GPAT4: variants seen among roughly 807,000 people sequenced by gnomAD.
GPAT4 encodes glycerol-3-phosphate acyltransferase 4, also known as 1-AGP acyltransferase 6.
In GPAT4, 17 loss-of-function variants were observed where a neutral mutation model predicts 58.0. That is an observed-to-expected ratio of 0.29 (90% CI 0.20 to 0.44). GPAT4 has a LOEUF of 0.44. Ranked by LOEUF, GPAT4 falls within the 20% of genes least tolerant of loss-of-function variation. The pLI is 1.00. For missense variants in GPAT4, 377 were observed against 574.5 expected (o/e 0.66, Z 3.51); for synonymous variants, 204 against 210.1 (o/e 0.97, Z 0.25).
intron 1 of GPAT4, among the ~76,000 whole-genome samples, chr8:41,591,683 G>A (rs1284152727): frequency 6.6e-6 from 1 of 152,164 alleles, no homozygotes; most frequent in Non-Finnish European, 1.5e-5. Flanking sequence ...AATCCTCCTA[G>A]CACTGGGAAC....
rs1803804543 is a variant in GPAT4, at chr8:41,623,128, C to A, written c.*2127C>A. 1 of 152,232 alleles carries A rather than the reference C, an allele frequency of 6.6e-6. No homozygotes were observed. The highest frequency in any genetic ancestry group is 2.4e-5 in the African/African-American group (1 of 41,438). The allele number at this position is 152,232 out of a possible 1,614,324, so 9.4% of individuals were successfully genotyped here. A position where few individuals can be genotyped will look rare whatever the true frequency, so the allele number is the denominator to read the frequency against. On this transcript the variant is annotated 3_prime_UTR_variant, in exon 13 of 13. Transcript: ENST00000396987. ...CACCTGGTGTGAAGTCACGTGGAGT[C>A]AGTGCTGTGGAGGGAAGTCCTGTGC...
At chr8:41,617,869 T>C (rs1803639439) in intron 10 of GPAT4, among the ~76,000 whole-genome samples, 1 of 152,202 alleles carries the variant, frequency 6.6e-6, no homozygotes, top group Non-Finnish European at 1.5e-5. Flanking sequence ...AGGCACTTTG[T>C]CCAGGCATTC....
At chr8:41,610,872 A>G in intron 5 of GPAT4, 62 bp downstream of exon 5, 1 of 1,496,626 alleles carries the variant, frequency 6.7e-7, no homozygotes, top group Non-Finnish European at 9.0e-7. Context: ...GTGCTCAGAT[A>G]TCGAAGGCAA....
intron 2 of GPAT4, among the ~76,000 whole-genome samples, chr8:41,603,745 C>T (rs148049844): frequency 4.0e-4 from 61 of 152,130 alleles, no homozygotes; most frequent in African/African-American, 1.3e-3. Flanking sequence ...TCTCTCAGGC[C>T]GCTTGCCCCT....
At chr8:41,586,868 C>A (rs10110966) in intron 1 of GPAT4, among the ~76,000 whole-genome samples, 84,421 of 152,124 alleles carry the variant, frequency 0.55, 24,037 homozygotes, top group Middle Eastern at 0.71. Context: ...TCAACTGGCT[C>A]CACATCAGAA....
In GPAT4 at chr8:41,582,684, T is replaced by TGTGTGTGTGTGTGTG. The variant is rs773260607; in HGVS notation, c.-849+4417_-849+4418insTGTGGTGTGTGTGTG. Among the ~76,000 whole-genome samples, 568 of 148,290 alleles carry TGTGTGTGTGTGTGTG rather than the reference T, an allele frequency of 3.8e-3. 2 individuals carry two copies. Among genetic ancestry groups the TGTGTGTGTGTGTGTG allele is most frequent in the Middle Eastern group, 0.014 (4 of 276 alleles). ...GAGGGAGAGAGAGAGAGTGTGTGTG[T>TGTGTGTGTGTGTGTG]GTGTGTGTGTGGGTGTATCTCAAAA... is the stretch of plus-strand genomic sequence containing the variant. On this transcript the variant is annotated intron_variant, in intron 1 of 12. Coordinates refer to ENST00000396987, the MANE Select transcript of GPAT4 (RefSeq NM_178819.4).
intron 4 of GPAT4, chr8:41,610,181 G>A: frequency 7.2e-7 from 1 of 1,380,302 alleles, no homozygotes; most frequent in Admixed American, 3.3e-5. Context: ...AAGACAGCTT[G>A]CTTCTCTAGA....
intron 1 of GPAT4, among the ~76,000 whole-genome samples, chr8:41,585,363 G>C (rs1802624776): frequency 6.6e-6 from 1 of 151,686 alleles, no homozygotes; most frequent in Non-Finnish European, 1.5e-5. Context: ...TGTTAGTCCT[G>C]CCTCTGTTAC....
At chr8:41,602,930 T>A (rs1348290089) in intron 2 of GPAT4, among the ~76,000 whole-genome samples, 1 of 152,110 alleles carries the variant, frequency 6.6e-6, no homozygotes, top group Non-Finnish European at 1.5e-5. Context: ...AGTCCCTTTT[T>A]TAGGGATATT....
At position 41,623,889 on chromosome 8, in the gene GPAT4, G is replaced by A. The variant is rs1057358061; in HGVS notation, c.*2888G>A. On this transcript the variant is annotated 3_prime_UTR_variant, in exon 13 of 13. Transcript: ENST00000396987. ...TTTCACTCTTGTTGCCCATGCTGGA[G>A]TGCAATGGCACAATCTCAGCTCCAC... 1 of 151,616 alleles carries A rather than the reference G, an allele frequency of 6.6e-6. No individual in the cohort carries two copies. The highest frequency in any genetic ancestry group is 1.5e-5 in the Non-Finnish European group (1 of 67,994). The allele number at this position is 151,616 out of a possible 1,614,324, so 9.4% of individuals were successfully genotyped here. A position where few individuals can be genotyped will look rare whatever the true frequency, so the allele number is the denominator to read the frequency against.
intron 2 of GPAT4, among the ~76,000 whole-genome samples, chr8:41,606,065 C>G (rs953491842): frequency 6.6e-6 from 1 of 152,208 alleles, no homozygotes; most frequent in South Asian, 2.1e-4. Context: ...CTATGCATCT[C>G]TTCCATCTGG....
At position 41,621,574 on chromosome 8, in the gene GPAT4, A is replaced by G. The variant is rs1319300741; in HGVS notation, c.*573A>G. 1 of 153,344 alleles carries G rather than the reference A, an allele frequency of 6.5e-6. No individual in the cohort carries two copies. Among genetic ancestry groups the G allele is most frequent in the Non-Finnish European group, 1.5e-5 (1 of 68,842 alleles). The allele number at this position is 153,344 out of a possible 1,614,324, so 9.5% of individuals were successfully genotyped here. ...TTTTTATGCTGCTGCTGATGGGGTT[A>G]CTAAAGGGAGGGGAAGAGGCCAGGT... On this transcript the variant is annotated 3_prime_UTR_variant, in exon 13 of 13. Coordinates refer to ENST00000396987, the MANE Select transcript of GPAT4 (RefSeq NM_178819.4).
chr8:41,584,837 T>C (rs1802609866), intron 1 of GPAT4: 1 of 152,148 alleles, frequency 6.6e-6, no homozygotes, highest in Non-Finnish European at 1.5e-5. Context: ...CTTATCCAGT[T>C]CTAACTCAAG....
At chr8:41,581,972 TAAATCAAGGGA>T in intron 1 of GPAT4, among the ~76,000 whole-genome samples, 1 of 138,054 alleles carries the variant, frequency 7.2e-6, no homozygotes. Flanking sequence ...TCAGGAAGCT[TAAATCAAGGGA>T]AGTTCAATGA....
intron 1 of GPAT4, among the ~76,000 whole-genome samples, chr8:41,594,218 C>G (rs565609675): frequency 2.4e-4 from 37 of 152,076 alleles, no homozygotes; most frequent in Admixed American, 2.2e-3. Context: ...GATGATACCT[C>G]TTTAACTTTA....
chr8:41,581,765 A>G (rs1168177632), intron 1 of GPAT4, among the ~76,000 whole-genome samples: 1 of 149,838 alleles, frequency 6.7e-6, no homozygotes, highest in Non-Finnish European at 1.5e-5. Flanking sequence ...AGTAGCTGGG[A>G]TTACAGGCGC....
In GPAT4 at chr8:41,598,935, A is replaced by G. The variant is rs1803008508; in HGVS notation, c.-205A>G. On this transcript the variant is annotated 5_prime_UTR_variant, in exon 2 of 13. Coordinates refer to ENST00000396987, the MANE Select transcript of GPAT4 (RefSeq NM_178819.4). ...CATTCTGGAGAGACCTGGCGTTTGC[A>G]GTTGCCTCCTGTGGCCGTGTTTTTC... is the stretch of plus-strand genomic sequence containing the variant. 10 of 626,926 alleles carry G rather than the reference A, an allele frequency of 1.6e-5. No homozygotes were observed. In the East Asian group the frequency reaches 2.8e-4, roughly 18 times the overall value. 38.8% of individuals were successfully genotyped at this position (626,926 alleles called of 1,614,324 possible).
rs948135222 is a variant in GPAT4, at chr8:41,621,158, G to A, written c.*157G>A. 84 of 1,112,440 alleles carry A rather than the reference G, an allele frequency of 7.6e-5. No homozygotes were observed. The highest frequency in any genetic ancestry group is 1.0e-4 in the Non-Finnish European group (81 of 795,440). 68.9% of individuals were successfully genotyped at this position (1,112,440 alleles called of 1,614,324 possible). The stretch of plus-strand genomic sequence containing the variant: ...TCCGGCTTTCGCCGAGCCGCAGCGG[G>A]ATCCCTGTGCACCCGGCGCAGCCTA... On this transcript the variant is annotated 3_prime_UTR_variant, in exon 13 of 13. Coordinates refer to ENST00000396987, the MANE Select transcript of GPAT4 (RefSeq NM_178819.4).
chr8:41,611,970 G>A lies in GPAT4; in HGVS notation c.679G>A (p.Ala227Thr). The change falls in exon 6 of 13, where the codon GCC becomes ACC. Residue 227 changes from alanine to threonine, a missense_variant. Coordinates refer to ENST00000396987, the MANE Select transcript of GPAT4 (RefSeq NM_178819.4). ...CYRICVRALT[A>T]IITYHDRENR... ...CCGGATCTGCGTGCGAGCGCTGACAGCCATCATCACCTACCATGACAGGTG... is the reference window on the plus strand; with the variant it reads ...CCGGATCTGCGTGCGAGCGCTGACAACCATCATCACCTACCATGACAGGTG... 6.2e-7 allele frequency: 1 copy of A among 1,614,140 alleles called. No homozygotes were observed. Among genetic ancestry groups the A allele is most frequent in the Non-Finnish European group, 8.5e-7 (1 of 1,180,024 alleles).
Sources: gnomAD v4.1 joint callset for allele counts (sites outside exome capture counted in the v4.1 genomes callset) on GRCh38, gnomAD v4.1.1 for gene constraint, MANE v1.5 for transcripts, NCBI Gene and HGNC (gene_info 2026-07-23, HGNC 2026-07-21) for gene names.